Variants in ASB15 observed in about 807,000 individuals in gnomAD.
The protein encoded by ASB15 is ankyrin repeat and SOCS box containing 15, also known as ankyrin repeat and SOCS box protein 15.
Under a neutral mutation model 58.0 loss-of-function variants are expected in ASB15, and 54 were observed. The observed-to-expected ratio is 0.93, with a 90% CI of 0.75 to 1.17. The LOEUF (loss-of-function observed/expected upper bound fraction) is 1.17, where lower values mean the gene tolerates loss of function less well. ASB15 is among the 50% of genes most tolerant of loss of function. ASB15 has a pLI of 0.00. For synonymous variants in ASB15, 249 were observed against 262.4 expected, an observed-to-expected ratio of 0.95 and a Z score of 0.50; for missense variants, 680 against 707.4, an observed-to-expected ratio of 0.96 and a Z score of 0.44.
chr7:123,612,914 C>G (rs1055509042), intron 3 of ASB15, among the ~76,000 whole-genome samples: 1 of 151,990 alleles, frequency 6.6e-6, no homozygotes, highest in Non-Finnish European at 1.5e-5. Context: ...CACAATGAGC[C>G]AATAAACAAT....
chr7:123,567,880 A>G (rs1798802733), intron 1 of ASB15, among the ~76,000 whole-genome samples: 1 of 152,160 alleles, frequency 6.6e-6, no homozygotes, highest in Non-Finnish European at 1.5e-5. Context: ...TTCAAATTCC[A>G]ATCACTTGGA....
chr7:123,585,646 T>G (rs2116335034), intron 1 of ASB15, among the ~76,000 whole-genome samples: 1 of 151,752 alleles, frequency 6.6e-6, no homozygotes, highest in Admixed American at 6.6e-5. Context: ...TGTGTGTGTG[T>G]GTGTGTGTGT....
intron 1 of ASB15, chr7:123,584,756 A>T (rs1306109629): frequency 6.6e-6 from 1 of 152,032 alleles, no homozygotes. Context: ...TAAAAATCAC[A>T]AACTATTGAA....
chr7:123,600,788 TA>T (rs1290804980), upstream of ASB15, among the ~76,000 whole-genome samples: 7 of 152,148 alleles, frequency 4.6e-5, no homozygotes, highest in African/African-American at 1.7e-4. Context: ...ATTTTTGAAA[TA>T]AAACTGGCAA....
intron 1 of ASB15, among the ~76,000 whole-genome samples, chr7:123,586,573 T>C (rs992390680): frequency 6.6e-5 from 10 of 151,856 alleles, no homozygotes; most frequent in Non-Finnish European, 1.5e-4. Context: ...CTTGTACTTG[T>C]TTATTTTTGC....
At chr7:123,619,747 T>A (rs190427666) in intron 7 of ASB15, among the ~76,000 whole-genome samples, 63 of 152,204 alleles carry the variant, frequency 4.1e-4, no homozygotes, top group Non-Finnish European at 1.3e-4. Flanking sequence ...ATGGTCTCGA[T>A]CTCCTGACCT....
chr7:123,614,105 C>A, intron 3 of ASB15: 1 of 167,272 alleles, frequency 6.0e-6, no homozygotes, highest in Non-Finnish European at 1.3e-5. Flanking sequence ...ATCCATCTTA[C>A]CCTCATTGGA....
At position 123,627,273 on chromosome 7, in the gene ASB15, G is replaced by T. The variant is rs1801856261; in HGVS notation, c.861G>T (p.Gly287=). Residue 287 remains glycine (G), a synonymous_variant, in exon 9 of 12, where the codon GGG becomes GGT. Transcript: ENST00000451215. ...CTATACACCGAGCTGCCTATGAGGG[G>T]CATTATCTGTGAGTGATAAATTATA... ...HLPIHRAAYE[G]HYLALKYLIP... 11 of 1,611,574 alleles carry T rather than the reference G, an allele frequency of 6.8e-6. No homozygotes were observed. The highest frequency in any genetic ancestry group is 9.3e-6 in the Non-Finnish European group (11 of 1,178,108).
intron 8 of ASB15, chr7:123,625,031 C>T (rs1000937691): frequency 5.4e-6 from 3 of 550,866 alleles, no homozygotes; most frequent in Non-Finnish European, 9.6e-6. Context: ...AATTTACAAG[C>T]CCAGTCCTGA....
chr7:123,627,632 A>G (rs1243218404), intron 9 of ASB15, among the ~76,000 whole-genome samples: 2 of 152,214 alleles, frequency 1.3e-5, no homozygotes, highest in African/African-American at 2.4e-5. Context: ...GCCCTTGACA[A>G]AGGATTAAAA....
At chr7:123,623,796 G>A (rs1801494558) in intron 7 of ASB15, among the ~76,000 whole-genome samples, 1 of 150,254 alleles carries the variant, frequency 6.7e-6, no homozygotes, top group Non-Finnish European at 1.5e-5. Context: ...CCCAGGAGGT[G>A]GAGGTTGCAG....
intron 7 of ASB15, among the ~76,000 whole-genome samples, chr7:123,618,067 T>C (rs1188944339): frequency 2.0e-5 from 3 of 152,172 alleles, no homozygotes; most frequent in Non-Finnish European, 4.4e-5. Flanking sequence ...GCATGTGCCA[T>C]ATGTAGCCAG....
At chr7:123,623,993 A>AAG (rs1204961832) in intron 7 of ASB15, among the ~76,000 whole-genome samples, 1 of 146,438 alleles carries the variant, frequency 6.8e-6, no homozygotes, top group Non-Finnish European at 1.5e-5. Context: ...GAAAGAAAGA[A>AAG]AGAGAAAGGA....
chr7:123,604,592 A>G (rs1435341134), intron 2 of ASB15, among the ~76,000 whole-genome samples: 1 of 151,798 alleles, frequency 6.6e-6, no homozygotes, highest in African/African-American at 2.4e-5. Context: ...AAAAAAAAAA[A>G]AATGCTGGCT....
intron 1 of ASB15, among the ~76,000 whole-genome samples, chr7:123,570,217 T>C (rs561251177): frequency 1.1e-4 from 17 of 152,018 alleles, no homozygotes; most frequent in South Asian, 2.1e-4. Context: ...TTGTATTTTT[T>C]AGTAGAGACG....
intron 1 of ASB15, among the ~76,000 whole-genome samples, chr7:123,573,314 AG>A (rs1798969961): frequency 1.6e-5 from 1 of 64,422 alleles, no homozygotes; most frequent in African/African-American, 6.0e-5. Context: ...TTGTCATCTT[AG>A]GGTTTGGAAA....
rs781091988 is a variant in ASB15 at position 123,630,028 on chromosome 7, A to C, written c.1503A>C (p.Leu501=). ...KHLVGRVTRV[L]IDYMDYVPLC... ...TGGTAGGCAGAGTTACTCGTGTACT[A>C]ATAGATTACATGGATTATGTTCCTC... Residue 501 remains leucine (L), a synonymous_variant, in exon 11 of 12, where the codon CTA becomes CTC. Coordinates refer to ENST00000451215, the MANE Select transcript of ASB15 (RefSeq NM_001290258.2). 8.1e-6 allele frequency: 13 copies of C among 1,604,298 alleles called. No individual in the cohort carries two copies. Among genetic ancestry groups the C allele is most frequent in the Non-Finnish European group, 1.1e-5 (13 of 1,171,704 alleles).
chr7:123,574,059 A>G (rs896086567), intron 1 of ASB15, among the ~76,000 whole-genome samples: 26 of 152,172 alleles, frequency 1.7e-4, no homozygotes, highest in African/African-American at 5.3e-4. Flanking sequence ...GTTAAAAGTG[A>G]TAGCAGTCTA....
At position 123,637,878 on chromosome 7, in the gene ASB15, TAAAAAAAAA is replaced by T. The variant is rs71161491; in HGVS notation, c.*911_*919del. 2 of 52,468 alleles carry T rather than the reference TAAAAAAAAA, an allele frequency of 3.8e-5. No homozygotes were observed. The highest frequency in any genetic ancestry group is 6.4e-5 in the African/African-American group (1 of 15,620). 3.3% of individuals were successfully genotyped at this position (52,468 alleles called of 1,614,324 possible). A position where few individuals can be genotyped will look rare whatever the true frequency, so the allele number is the denominator to read the frequency against. On this transcript the variant is annotated 3_prime_UTR_variant, in exon 12 of 12. Transcript: ENST00000451215. ...AAATTCAACATGTCCCCAGATGAAC[TAAAAAAAAA>T]AAAAAAAAAAAAACCTCTTTCCCGA...
Sources: allele counts gnomAD v4.1 joint callset (sites outside exome capture counted in the v4.1 genomes callset), GRCh38; gene constraint gnomAD v4.1.1; transcripts MANE v1.5; gene names NCBI Gene and HGNC (gene_info 2026-07-23, HGNC 2026-07-21).